The following LARGE1 variants were observed in gnomAD, a reference collection of about 807,000 sequenced individuals.
LARGE1 encodes the protein xylosyl- and glucuronyltransferase LARGE1.
Under a neutral mutation model 87.6 loss-of-function variants are expected in LARGE1, and 43 were observed. That is an observed-to-expected ratio of 0.49 (90% CI 0.38 to 0.63). LARGE1 has a LOEUF of 0.63. LARGE1 is among the 30% of genes least tolerant of loss of function. The pLI is 0.00. For synonymous variants in LARGE1, 434 were observed against 394.6 expected, an observed-to-expected ratio of 1.10 and a Z score of -1.18; for missense variants, 802 against 1,000.2, an observed-to-expected ratio of 0.80 and a Z score of 2.67.
At chr22:33,761,618 A>T (rs933076786) in intron 1 of LARGE1, 60 bp from the exon 2 acceptor site, 6 of 715,950 alleles carry the variant, frequency 8.4e-6, no homozygotes, top group Non-Finnish European at 1.5e-5. Context: ...GGTGTAAGTT[A>T]TGGAAGAGAA....
intron 10 of LARGE1, among the ~76,000 whole-genome samples, chr22:33,325,101 G>T (rs950995286): frequency 6.6e-6 from 1 of 152,210 alleles, no homozygotes; most frequent in African/African-American, 2.4e-5. Context: ...TATTTCCTCT[G>T]AATTCTTGCA....
chr22:33,784,720 CACAT>C (rs1259308637), intron 1 of LARGE1, among the ~76,000 whole-genome samples: 2 of 151,908 alleles, frequency 1.3e-5, no homozygotes, highest in African/African-American at 4.8e-5. Flanking sequence ...TTTATATACA[CACAT>C]ACAGAGTTTA....
At chr22:33,306,458 C>A (rs1254104384) in intron 11 of LARGE1, among the ~76,000 whole-genome samples, 1 of 152,174 alleles carries the variant, frequency 6.6e-6, no homozygotes, top group East Asian at 1.9e-4. Context: ...AGGACCACTT[C>A]TCAGGATTCT....
At chr22:33,827,272 AG>A (rs2062825314) in intron 1 of LARGE1, among the ~76,000 whole-genome samples, 1 of 152,018 alleles carries the variant, frequency 6.6e-6, no homozygotes, top group Admixed American at 6.5e-5. Context: ...CGGGAGGCCA[AG>A]GCAGGAGAAT....
At chr22:33,464,288 CA>C (rs1389721423) in intron 6 of LARGE1, among the ~76,000 whole-genome samples, 2 of 152,024 alleles carry the variant, frequency 1.3e-5, no homozygotes, top group African/African-American at 4.8e-5. Flanking sequence ...ACTTAGAATA[CA>C]ATAAGAAGAG....
intron 11 of LARGE1, among the ~76,000 whole-genome samples, chr22:33,264,886 A>ATTTT (rs1383939586): frequency 7.1e-5 from 7 of 98,716 alleles, no homozygotes; most frequent in Non-Finnish European, 1.5e-4. Flanking sequence ...ATCTGATCAA[A>ATTTT]TTCTTTTTTT....
chr22:33,806,368 A>G (rs917953951), intron 1 of LARGE1, among the ~76,000 whole-genome samples: 4 of 152,208 alleles, frequency 2.6e-5, no homozygotes, highest in Non-Finnish European at 4.4e-5. Flanking sequence ...CTGCAGTCCA[A>G]AAGTCTGGCC....
intron 11 of LARGE1, among the ~76,000 whole-genome samples, chr22:33,217,935 TTTC>T: frequency 6.6e-6 from 1 of 151,762 alleles, no homozygotes; most frequent in African/African-American, 2.4e-5. Context: ...TAACTTTTTT[TTTC>T]TTTTTTTTTT....
intron 7 of LARGE1, among the ~76,000 whole-genome samples, chr22:33,426,378 T>C (rs2066878830): frequency 6.6e-6 from 1 of 152,152 alleles, no homozygotes; most frequent in South Asian, 2.1e-4. Context: ...CTGGATGCAA[T>C]TATTACAGAC....
At chr22:33,767,556 G>C (rs2084944576) in intron 1 of LARGE1, among the ~76,000 whole-genome samples, 1 of 151,626 alleles carries the variant, frequency 6.6e-6, no homozygotes. Context: ...ACACCCTCCA[G>C]GGGTGGCTAG....
chr22:33,675,656 A>G (rs1431998601), intron 2 of LARGE1, among the ~76,000 whole-genome samples: 1 of 152,184 alleles, frequency 6.6e-6, no homozygotes, highest in African/African-American at 2.4e-5. Flanking sequence ...CTTCTGGTTC[A>G]AGGAAGTTCT....
At chr22:33,131,275 C>T in the LARGE1 span, among the ~76,000 whole-genome samples, 1 of 152,126 alleles carries the variant, frequency 6.6e-6, no homozygotes, top group African/African-American at 2.4e-5. Flanking sequence ...TTGTCCCCAT[C>T]CCTCTCTGTC....
chr22:33,110,283 A>G, the LARGE1 span: 1 of 152,176 alleles, frequency 6.6e-6, no homozygotes, highest in Admixed American at 6.5e-5. Flanking sequence ...CTCCATTTCC[A>G]GTGGGAGAAT....
chr22:33,144,231 T>A, the LARGE1 span, among the ~76,000 whole-genome samples: 1 of 152,190 alleles, frequency 6.6e-6, no homozygotes, highest in African/African-American at 2.4e-5. Context: ...TTTGAAGGCA[T>A]GTTCTAAAAG....
chr22:33,178,553 C>T (rs551112767), intron 11 of LARGE1, among the ~76,000 whole-genome samples: 47 of 152,172 alleles, frequency 3.1e-4, no homozygotes, highest in Non-Finnish European at 6.5e-4. Context: ...AGTGAACCCA[C>T]AACATGAAAA....
At chr22:33,673,058 A>C (rs754736021) in intron 2 of LARGE1, among the ~76,000 whole-genome samples, 2 of 152,138 alleles carry the variant, frequency 1.3e-5, no homozygotes, top group Admixed American at 6.5e-5. Flanking sequence ...GCAGATCACG[A>C]GGTCAGGAGT....
the LARGE1 span, among the ~76,000 whole-genome samples, chr22:33,141,480 T>A: frequency 6.6e-6 from 1 of 152,108 alleles, no homozygotes; most frequent in Non-Finnish European, 1.5e-5. Flanking sequence ...TTTTTGTTTT[T>A]AAATATTTCT....
At chr22:33,152,577 A>C in the LARGE1 span, among the ~76,000 whole-genome samples, 2 of 152,146 alleles carry the variant, frequency 1.3e-5, no homozygotes, top group Admixed American at 1.3e-4. Context: ...ATTATATTTA[A>C]ATTTTTTAAT....
chr22:33,609,367 T>C (rs990110179), intron 4 of LARGE1, among the ~76,000 whole-genome samples: 2 of 152,144 alleles, frequency 1.3e-5, no homozygotes, highest in Non-Finnish European at 2.9e-5. Flanking sequence ...CAGAGTTAGA[T>C]TGAAAACAAC....
Sources: allele counts gnomAD v4.1 joint callset (sites outside exome capture counted in the v4.1 genomes callset), GRCh38; gene constraint gnomAD v4.1.1; transcripts MANE v1.5; gene names NCBI Gene and HGNC (gene_info 2026-07-23, HGNC 2026-07-21).